IGHMBP2: variants seen among roughly 807,000 people sequenced by gnomAD.
IGHMBP2 encodes immunoglobulin mu DNA binding protein 2, also known as DNA-binding protein SMUBP-2.
Under a neutral mutation model 96.0 loss-of-function variants are expected in IGHMBP2, and 81 were observed. That is an observed-to-expected ratio of 0.84 (90% CI 0.71 to 1.01). The LOEUF (loss-of-function observed/expected upper bound fraction) is 1.01, where lower values mean the gene tolerates loss of function less well. Ranked by LOEUF, IGHMBP2 falls within the 50% of genes least tolerant of loss-of-function variation. IGHMBP2 has a pLI of 0.00. For missense variants in IGHMBP2, 1,227 were observed against 1,306.3 expected (o/e 0.94, Z 0.94); for synonymous variants, 557 against 548.9 (o/e 1.01, Z -0.21).
In IGHMBP2 at chr11:68,908,567, C is replaced by T. The variant is rs1449259658; in HGVS notation, c.483C>T (p.Gly161=). 1.2e-6 allele frequency: 2 copies of T among 1,613,804 alleles called. No individual in the cohort carries two copies. Among genetic ancestry groups the T allele is most frequent in the African/African-American group, 1.3e-5 (1 of 74,906 alleles). The change falls in exon 4 of 15, where the codon GGC becomes GGT. Residue 161 remains glycine, a synonymous_variant. Coordinates refer to ENST00000255078, the MANE Select transcript of IGHMBP2 (RefSeq NM_002180.3). ...TTGCTCTAAAGAAGTATCATTCTGG[C>T]CCAGCCTCCTCACTCATAGAAGTGC... The part of the protein sequence containing the change: ...ALIALKKYHS[G]PASSLIEVLF...
intron 13 of IGHMBP2, among the ~76,000 whole-genome samples, chr11:68,937,510 C>G (rs890066037): frequency 6.6e-6 from 1 of 152,248 alleles, no homozygotes; most frequent in Non-Finnish European, 1.5e-5. Context: ...GGGCAAAATG[C>G]TCAGAACCAC....
chr11:68,940,558 G>A lies in IGHMBP2; in HGVS notation c.*827G>A, dbSNP rs1047053615. 1.3e-5 allele frequency: 2 copies of A among 152,164 alleles called. No individual in the cohort carries two copies. Among genetic ancestry groups the A allele is most frequent in the Non-Finnish European group, 2.9e-5 (2 of 68,046 alleles). The allele number at this position is 152,164 out of a possible 1,614,324, so 9.4% of individuals were successfully genotyped here. ...CTGAGCCTCAGGGTTTTGTTTCAGA[G>A]GGATATAAATTATTTAAAAATTAAA... On this transcript the variant is annotated 3_prime_UTR_variant, in exon 15 of 15. Coordinates refer to ENST00000255078, the MANE Select transcript of IGHMBP2 (RefSeq NM_002180.3).
At chr11:68,917,257 A>G (rs767671390) in intron 6 of IGHMBP2, among the ~76,000 whole-genome samples, 1 of 152,130 alleles carries the variant, frequency 6.6e-6, no homozygotes, top group Non-Finnish European at 1.5e-5. Flanking sequence ...GATTACAGGC[A>G]TGAGCCACCG....
intron 7 of IGHMBP2, 67 bp from the exon 8 acceptor site, chr11:68,929,116 C>T: frequency 3.5e-6 from 5 of 1,429,554 alleles, no homozygotes; most frequent in Non-Finnish European, 4.9e-6. Flanking sequence ...GGTGTCTCCT[C>T]TGGTGTGGCT....
At chr11:68,911,121 CTG>C (rs1441135999) in intron 4 of IGHMBP2, among the ~76,000 whole-genome samples, 3 of 152,062 alleles carry the variant, frequency 2.0e-5, no homozygotes, top group East Asian at 3.9e-4. Flanking sequence ...TGTTTTGACT[CTG>C]TGGGCCATAT....
intron 5 of IGHMBP2, among the ~76,000 whole-genome samples, chr11:68,914,399 G>A (rs1214890336): frequency 3.9e-5 from 6 of 152,358 alleles, no homozygotes; most frequent in Admixed American, 6.5e-5. Flanking sequence ...CTCGCAGGGC[G>A]TGGGATGGGG....
intron 7 of IGHMBP2, among the ~76,000 whole-genome samples, chr11:68,923,055 T>C (rs1396344948): frequency 6.6e-6 from 1 of 152,222 alleles, no homozygotes; most frequent in Admixed American, 6.5e-5. Flanking sequence ...TTGGTCTCTT[T>C]CGATGAACTG....
chr11:68,908,308 C>T lies in IGHMBP2; in HGVS notation c.420C>T (p.Ala140=). 2 of 1,614,052 alleles carry T rather than the reference C, an allele frequency of 1.2e-6. No homozygotes were observed. The highest frequency in any genetic ancestry group is 1.7e-6 in the Non-Finnish European group (2 of 1,179,974). ...RENSYRLLKL[A]NDVTYRRLKK... ...ATTCCTACAGACTGTTAAAACTTGCCAATGATGTCACTTACAGGCGACTGA... is the reference window on the plus strand; with the variant it reads ...ATTCCTACAGACTGTTAAAACTTGCTAATGATGTCACTTACAGGCGACTGA... Residue 140 remains alanine, a synonymous_variant, in exon 3 of 15, where the codon GCC becomes GCT. Transcript: ENST00000255078.
rs1462168569 is a variant in IGHMBP2 at position 68,917,886 on chromosome 11, GA to G, written c.1060+4del. 2 of 1,613,864 alleles carry G rather than the reference GA, an allele frequency of 1.2e-6. No homozygotes were observed. The highest frequency in any genetic ancestry group is 4.5e-5 in the East Asian group (2 of 44,894). ...CGTGGTCCTTGCAACAAACACAGGT[GA>G]GGGGGCGTCTCCATCCTGCCTGTGT... On this transcript the variant is annotated splice_donor_region_variant and intron_variant, in intron 7 of 14. Coordinates refer to ENST00000255078, the MANE Select transcript of IGHMBP2 (RefSeq NM_002180.3).
intron 9 of IGHMBP2, 75 bp downstream of exon 9, chr11:68,933,556 G>C: frequency 6.7e-7 from 1 of 1,497,604 alleles, no homozygotes; most frequent in South Asian, 1.2e-5. Context: ...TTTCTACGCA[G>C]CAAGCTAAAG....
intron 8 of IGHMBP2, among the ~76,000 whole-genome samples, chr11:68,931,478 G>GC (rs1859297591): frequency 6.6e-6 from 1 of 152,170 alleles, no homozygotes; most frequent in Non-Finnish European, 1.5e-5. Flanking sequence ...GCTCCCCTAA[G>GC]AGCACCGGGA....
chr11:68,940,148 C>A lies in IGHMBP2; in HGVS notation c.*417C>A, dbSNP rs117542830. ...TGCTGAGAGGAAACAGGAAACAAGA[C>A]TGCGAATGGCGCTCAGGCAGGGAGC... On this transcript the variant is annotated 3_prime_UTR_variant, in exon 15 of 15. Transcript: ENST00000255078. 2.4e-4 allele frequency: 49 copies of A among 200,018 alleles called. No homozygotes were observed. The East Asian group carries it at 6.4e-3, about 26-fold the overall frequency. The allele number at this position is 200,018 out of a possible 1,614,324, so 12.4% of individuals were successfully genotyped here. A position where few individuals can be genotyped will look rare whatever the true frequency, so the allele number is the denominator to read the frequency against.
At chr11:68,923,352 G>A (rs769785761) in intron 7 of IGHMBP2, among the ~76,000 whole-genome samples, 36 of 152,106 alleles carry the variant, frequency 2.4e-4, no homozygotes, top group Admixed American at 1.3e-3. Context: ...ACAGGCATGC[G>A]CTACCATGCC....
In IGHMBP2 at chr11:68,917,268, C is replaced by T. The variant is rs570287325; in HGVS notation, c.913-468C>T. ...CTGGGATTACAGGCATGAGCCACCG[C>T]GCCTGACCAGTTCCATCTTTTTGAG... On this transcript the variant is annotated intron_variant, in intron 6 of 14. Coordinates refer to ENST00000255078, the MANE Select transcript of IGHMBP2 (RefSeq NM_002180.3). Among the ~76,000 whole-genome samples, 12 of 152,182 alleles carry T rather than the reference C, an allele frequency of 7.9e-5. No individual in the cohort carries two copies. The South Asian group carries it at 1.5e-3, about 18-fold the overall frequency.
chr11:68,920,137 A>G (rs1858825946), intron 7 of IGHMBP2, among the ~76,000 whole-genome samples: 1 of 152,196 alleles, frequency 6.6e-6, no homozygotes, highest in South Asian at 2.1e-4. Flanking sequence ...ACATACCTCA[A>G]GTAAGTGGAA....
chr11:68,930,566 C>T, intron 8 of IGHMBP2: 1 of 1,168,140 alleles, frequency 8.6e-7, no homozygotes, highest in South Asian at 1.5e-5. Flanking sequence ...GTGGGAGACA[C>T]ATGGGGATCT....
intron 8 of IGHMBP2, 33 bp downstream of exon 8, chr11:68,929,390 G>A (rs1222503900): frequency 6.3e-7 from 1 of 1,591,998 alleles, no homozygotes; most frequent in Non-Finnish European, 8.6e-7. Context: ...GCCCTTCTCT[G>A]CCCCCGCCCT....
Position 68,939,744 on chromosome 11 carries a change from T to C in IGHMBP2, c.*13T>C. On this transcript the variant is annotated 3_prime_UTR_variant, in exon 15 of 15. Coordinates refer to ENST00000255078, the MANE Select transcript of IGHMBP2 (RefSeq NM_002180.3). ...GAGGGGGACGTGACCGGCCGCATCC[T>C]TGCACGCCCCGCGGAGCTCTCTCCA... 6.3e-7 allele frequency: 1 copy of C among 1,599,102 alleles called. No homozygotes were observed. The highest frequency in any genetic ancestry group is 8.5e-7 in the Non-Finnish European group (1 of 1,173,898).
intron 7 of IGHMBP2, chr11:68,926,266 CTTTT>C (rs58973076): frequency 0.35 from 35,096 of 101,166 alleles, 4,955 homozygotes; most frequent in Admixed American, 0.45. Context: ...CTGTGTGGTG[CTTTT>C]TTTTTTTTTT....
Sources: gnomAD v4.1 joint callset for allele counts (sites outside exome capture counted in the v4.1 genomes callset) on GRCh38, gnomAD v4.1.1 for gene constraint, MANE v1.5 for transcripts, NCBI Gene and HGNC (gene_info 2026-07-23, HGNC 2026-07-21) for gene names.